Variants in HDAC4 observed in about 807,000 individuals in gnomAD.
HDAC4 encodes histone deacetylase A.
HDAC4 carries 16 observed loss-of-function variants against 135.1 expected under a neutral mutation model. The observed-to-expected ratio is 0.12, with a 90% CI of 0.08 to 0.18. The LOEUF is 0.18. Ranked by LOEUF, HDAC4 falls within the 10% of genes least tolerant of loss-of-function variation. The pLI is 1.00. For missense variants in HDAC4, 1,143 were observed against 1,511.8 expected, an observed-to-expected ratio of 0.76 and a Z score of 4.05; for synonymous variants, 685 against 653.4, an observed-to-expected ratio of 1.05 and a Z score of -0.74.
At chr2:239,120,408 C>CACACAG (rs1559467014) in intron 12 of HDAC4, among the ~76,000 whole-genome samples, 42 of 145,092 alleles carry the variant, frequency 2.9e-4, no homozygotes, top group Non-Finnish European at 5.2e-4. Flanking sequence ...CACAGACACA[C>CACACAG]ACACACAGAC....
intron 2 of HDAC4, among the ~76,000 whole-genome samples, chr2:239,317,080 C>T (rs765419425): frequency 2.0e-5 from 3 of 152,172 alleles, no homozygotes; most frequent in Non-Finnish European, 2.9e-5. Flanking sequence ...CTGGACCATA[C>T]GCCTTCAGCG....
At chr2:239,147,212 C>T (rs890621064) in intron 7 of HDAC4, among the ~76,000 whole-genome samples, 4 of 152,174 alleles carry the variant, frequency 2.6e-5, no homozygotes, top group African/African-American at 9.7e-5. Flanking sequence ...CTGGGGAGAA[C>T]AGAGAAGCCC....
rs781152566 is a variant in HDAC4, at chr2:239,139,736, C to T, written c.926G>A (p.Ser309Asn). ...CGCGATACCGTTCTCCGCGCTGACG[C>T]TCCCGGAGCTGTTGTTGGGTGAGCT... is the stretch of plus-strand genomic sequence containing the variant. ...GPSSPNNSSGSVSAENGIAPA... is the reference protein window; with the variant it reads ...GPSSPNNSSGNVSAENGIAPA... Residue 309 changes from serine to asparagine, a missense_variant, in exon 9 of 27, where the codon AGC becomes AAC. Transcript: ENST00000543185. The surrounding 1 kb of genome is among the most constrained non-coding windows in gnomAD (Gnocchi z 5.3). The T allele has an allele frequency of 1.2e-6, 2 of 1,614,134 alleles. No homozygotes were observed. Among genetic ancestry groups the T allele is most frequent in the South Asian group, 1.1e-5 (1 of 91,076 alleles).
chr2:239,137,358 GAGC>G (rs2041038259), intron 9 of HDAC4, among the ~76,000 whole-genome samples: 1 of 152,202 alleles, frequency 6.6e-6, no homozygotes, highest in Admixed American at 6.5e-5. Context: ...GGCCACAGAG[GAGC>G]TGTCCCCTTA....
chr2:239,263,330 T>G (rs34076711), intron 2 of HDAC4, among the ~76,000 whole-genome samples: 44,217 of 102,200 alleles, frequency 0.43, 7,595 homozygotes, highest in East Asian at 0.55. Context: ...CCCCCGCCCA[T>G]CCCAGCCCCT....
chr2:239,344,887 C>T (rs866909673), intron 2 of HDAC4, among the ~76,000 whole-genome samples: 2 of 152,266 alleles, frequency 1.3e-5, no homozygotes, highest in South Asian at 4.1e-4. Context: ...TACTCTCCCA[C>T]GTTCTCGGGG....
intron 2 of HDAC4, among the ~76,000 whole-genome samples, chr2:239,334,556 A>G (rs1259624336): frequency 1.3e-5 from 2 of 152,038 alleles, no homozygotes; most frequent in African/African-American, 2.4e-5. Flanking sequence ...AGACCTCTAT[A>G]CTGAAAATTA....
At chr2:239,259,069 T>C (rs1339649267) in intron 2 of HDAC4, among the ~76,000 whole-genome samples, 2 of 152,236 alleles carry the variant, frequency 1.3e-5, no homozygotes, top group African/African-American at 4.8e-5. Flanking sequence ...TACTGATTCC[T>C]GACTTTGACA....
At chr2:239,300,752 T>C (rs2052204246) in intron 2 of HDAC4, among the ~76,000 whole-genome samples, 1 of 152,230 alleles carries the variant, frequency 6.6e-6, no homozygotes, top group African/African-American at 2.4e-5. Context: ...CCTCTCCGGT[T>C]CTTACAGAAT....
At chr2:239,399,600 C>G (rs578239879) in intron 1 of HDAC4, among the ~76,000 whole-genome samples, 1 of 152,220 alleles carries the variant, frequency 6.6e-6, no homozygotes, top group African/African-American at 2.4e-5. Flanking sequence ...TCCCCCCAGT[C>G]CTGCTGGGCT....
intron 1 of HDAC4, among the ~76,000 whole-genome samples, chr2:239,375,370 C>T (rs917691225): frequency 4.6e-5 from 7 of 151,290 alleles, no homozygotes; most frequent in Non-Finnish European, 4.4e-5. Context: ...TGCCAGGCCA[C>T]GGACCGTCCA....
At chr2:239,100,984 G>A (rs1186610156) in intron 16 of HDAC4, among the ~76,000 whole-genome samples, 3 of 152,156 alleles carry the variant, frequency 2.0e-5, no homozygotes, top group African/African-American at 7.2e-5. Flanking sequence ...CACCAGCTTT[G>A]GCCCAGGCCC....
intron 4 of HDAC4, among the ~76,000 whole-genome samples, chr2:239,185,081 G>A (rs1232881310): frequency 9.3e-6 from 1 of 107,494 alleles, no homozygotes. Context: ...CCTATGGGTG[G>A]GTCCCTCGGT....
intron 2 of HDAC4, among the ~76,000 whole-genome samples, chr2:239,243,231 C>T (rs2048289749): frequency 6.6e-6 from 1 of 151,786 alleles, no homozygotes; most frequent in Non-Finnish European, 1.5e-5. Flanking sequence ...CAGCTCACTG[C>T]AAGCTCCGCC....
At chr2:239,335,133 T>C (rs1404820930) in intron 2 of HDAC4, among the ~76,000 whole-genome samples, 2 of 152,140 alleles carry the variant, frequency 1.3e-5, no homozygotes, top group Non-Finnish European at 2.9e-5. Flanking sequence ...TTAGATACTA[T>C]GGTTAACTGC....
chr2:239,163,871 A>G lies in HDAC4; in HGVS notation c.543T>C (p.Asn181=). 6.2e-7 allele frequency: 1 copy of G among 1,614,102 alleles called. No homozygotes were observed. Among genetic ancestry groups the G allele is most frequent in the African/African-American group, 1.3e-5 (1 of 75,004 alleles). The stretch of plus-strand genomic sequence containing the variant: ...TCCGGTGGGCCAGCGCCTTCTTTTT[A>G]TTGAGGACAAATTCTTGTAACTTCA... ...VKMKLQEFVL[N]KKKALAHRNL... Residue 181 remains asparagine (N), a synonymous_variant, in exon 6 of 27, where the codon AAT becomes AAC. Transcript: ENST00000543185.
At chr2:239,101,800 C>A (rs541430797) in intron 16 of HDAC4, among the ~76,000 whole-genome samples, 1 of 151,806 alleles carries the variant, frequency 6.6e-6, no homozygotes, top group South Asian at 2.1e-4. Flanking sequence ...CCCTGGAAGC[C>A]CCCGACCCTG....
At chr2:239,231,462 C>CG (rs61172948) in intron 3 of HDAC4, among the ~76,000 whole-genome samples, 103,864 of 151,624 alleles carry the variant, frequency 0.69, 37,237 homozygotes, top group South Asian at 0.81. Context: ...TCTGTAGGAG[C>CG]AGTGGGGGGC....
At chr2:239,114,775 G>A (rs1040033827) in intron 13 of HDAC4, among the ~76,000 whole-genome samples, 1 of 152,168 alleles carries the variant, frequency 6.6e-6, no homozygotes, top group Non-Finnish European at 1.5e-5. Flanking sequence ...ACAGCCTACA[G>A]ACAGGAAGGA....
Sources: allele counts gnomAD v4.1 joint callset (sites outside exome capture counted in the v4.1 genomes callset), GRCh38; gene constraint gnomAD v4.1.1; non-coding constraint Gnocchi (gnomAD v3.1); transcripts MANE v1.5; gene names NCBI Gene and HGNC (gene_info 2026-07-23, HGNC 2026-07-21).